COL4A1: variants seen among roughly 807,000 people sequenced by gnomAD.
The protein encoded by COL4A1 is collagen type IV alpha 1 chain, also known as collagen alpha-1(IV) chain.
COL4A1 carries 40 observed loss-of-function variants against 216.6 expected under a neutral mutation model. The ratio of observed to expected loss-of-function variants is 0.18; its 90% confidence interval spans 0.14 to 0.24. The LOEUF is 0.24. Ranked by LOEUF, COL4A1 falls within the 10% of genes least tolerant of loss-of-function variation. The probability of loss-of-function intolerance (pLI) is 1.00; values close to 1 mark genes in which losing one functional copy is unlikely to be tolerated. For missense variants in COL4A1, 1,628 were observed against 2,196.8 expected (o/e 0.74, Z 5.18); for synonymous variants, 839 against 810.7 (o/e 1.03, Z -0.59).
At chr13:110,299,367 A>G (rs1317968023) in intron 1 of COL4A1, among the ~76,000 whole-genome samples, 1 of 152,220 alleles carries the variant, frequency 6.6e-6, no homozygotes, top group East Asian at 1.9e-4. Context: ...CTCATGTTGG[A>G]CAACGGCTGA....
intron 49 of COL4A1, among the ~76,000 whole-genome samples, chr13:110,158,746 T>TTTA (rs1876917742): frequency 6.7e-6 from 1 of 148,736 alleles, no homozygotes; most frequent in African/African-American, 2.5e-5. Context: ...AAACTTTTTT[T>TTTA]TTTTTTTTTT....
At chr13:110,171,364 G>A (rs1877635628) in intron 41 of COL4A1, among the ~76,000 whole-genome samples, 1 of 152,178 alleles carries the variant, frequency 6.6e-6, no homozygotes. Flanking sequence ...TTTGGGGGAA[G>A]GCTTTGCCTG....
At position 110,164,935 on chromosome 13, in the gene COL4A1, G is replaced by A. The variant is rs773065210; in HGVS notation, c.4077C>T (p.Pro1359=). 2.4e-5 allele frequency: 39 copies of A among 1,604,920 alleles called. No individual in the cohort carries two copies. The highest frequency in any genetic ancestry group is 5.3e-5 in the African/African-American group (4 of 74,808). The change falls in exon 46 of 52, where the codon CCC becomes CCT. Residue 1359 remains proline (P), a synonymous_variant. Coordinates refer to ENST00000375820, the MANE Select transcript of COL4A1 (RefSeq NM_001845.6). The part of the protein sequence containing the change: ...PGPYDIIKGE[P]GLPGPEGPPG... ...GGGGGCCCTCAGGACCAGGGAGCCC[G>A]GGCTCCCCTTTGATGATGTCGTAAG...
intron 1 of COL4A1, chr13:110,298,894 G>A (rs1354208430): frequency 6.6e-6 from 1 of 152,484 alleles, no homozygotes; most frequent in Non-Finnish European, 1.5e-5. Context: ...TCCCGAAGAG[G>A]GGAGAAAGCC....
chr13:110,179,459 G>A, intron 29 of COL4A1, 38 bp from the exon 30 acceptor site: 1 of 1,613,830 alleles, frequency 6.2e-7, no homozygotes, highest in Non-Finnish European at 8.5e-7. Flanking sequence ...AAATTGATTT[G>A]CAAAGTCAGT....
chr13:110,182,703 G>A (rs555097220), intron 28 of COL4A1, among the ~76,000 whole-genome samples: 13 of 152,322 alleles, frequency 8.5e-5, no homozygotes, highest in East Asian at 1.9e-4. Flanking sequence ...TCTTCCTCAC[G>A]GATAAAAAGC....
chr13:110,161,181 G>A lies in COL4A1; in HGVS notation c.4640+11C>T. On this transcript the variant is annotated intron_variant, in intron 49 of 51. Transcript: ENST00000375820. ...CAATTTTGCATTTGTTCCTACAGAT[G>A]CTCGACTCACCTACTAATAAATGGT... 1 of 1,613,820 alleles carries A rather than the reference G, an allele frequency of 6.2e-7. No individual in the cohort carries two copies. Among genetic ancestry groups the A allele is most frequent in the Admixed American group, 1.7e-5 (1 of 60,032 alleles).
At chr13:110,159,276 AGT>A (rs1451171420) in intron 49 of COL4A1, among the ~76,000 whole-genome samples, 14 of 148,706 alleles carry the variant, frequency 9.4e-5, no homozygotes, top group Admixed American at 8.7e-4. Flanking sequence ...GGAACTGGGG[AGT>A]GTGTGTATTA....
chr13:110,163,778 C>T (rs534111231), intron 46 of COL4A1, among the ~76,000 whole-genome samples: 6 of 152,208 alleles, frequency 3.9e-5, no homozygotes, highest in African/African-American at 1.2e-4. Context: ...TGTGTTTGGG[C>T]ACCTCGTTCT....
chr13:110,283,042 A>C (rs1883700368), intron 1 of COL4A1, among the ~76,000 whole-genome samples: 1 of 151,484 alleles, frequency 6.6e-6, no homozygotes, highest in Non-Finnish European at 1.5e-5. Context: ...AGTTAGTTTT[A>C]AGCAATTGCA....
chr13:110,280,074 C>T (rs1214496820), intron 1 of COL4A1, among the ~76,000 whole-genome samples: 1 of 152,186 alleles, frequency 6.6e-6, no homozygotes, highest in Non-Finnish European at 1.5e-5. Flanking sequence ...TGGCAATTTT[C>T]TTTTAATTTG....
chr13:110,173,825 T>A, intron 40 of COL4A1, 75 bp downstream of exon 40: 1 of 1,567,194 alleles, frequency 6.4e-7, no homozygotes, highest in Non-Finnish European at 8.8e-7. Context: ...CTTTATTCAC[T>A]GAACACAGGC....
At chr13:110,182,893 G>T in intron 28 of COL4A1, 100 bp downstream of exon 28, 1 of 1,140,334 alleles carries the variant, frequency 8.8e-7, no homozygotes, top group Non-Finnish European at 1.3e-6. Flanking sequence ...TCCCTGAACA[G>T]CGGTCACCAG....
chr13:110,247,834 T>TGTGG (rs1491092763), intron 1 of COL4A1, among the ~76,000 whole-genome samples: 149 of 87,306 alleles, frequency 1.7e-3, no homozygotes, highest in African/African-American at 6.5e-3. Flanking sequence ...TGTGTGTGTG[T>TGTGG]GGCAGAGAGA....
At chr13:110,217,182 C>T (rs1334641039) in intron 2 of COL4A1, among the ~76,000 whole-genome samples, 1 of 152,196 alleles carries the variant, frequency 6.6e-6, no homozygotes, top group Non-Finnish European at 1.5e-5. Flanking sequence ...ACAGAATAAG[C>T]ACTTAAACAG....
intron 21 of COL4A1, among the ~76,000 whole-genome samples, chr13:110,195,903 G>A (rs573227048): frequency 2.0e-5 from 3 of 152,270 alleles, no homozygotes; most frequent in Non-Finnish European, 4.4e-5. Context: ...TTCACCTAAT[G>A]ACAAAGTCAT....
chr13:110,151,761 C>T (rs536693310), intron 51 of COL4A1, among the ~76,000 whole-genome samples: 6 of 152,184 alleles, frequency 3.9e-5, no homozygotes, highest in African/African-American at 7.2e-5. Flanking sequence ...GGGACCGGCC[C>T]GGCTCCCAGT....
In COL4A1 at chr13:110,170,125, G is replaced by A. The variant is rs1877559119; in HGVS notation, c.3743-363C>T. 1.2e-4 allele frequency among the ~76,000 whole-genome samples: 3 copies of A among 25,766 alleles called. No individual in the cohort carries two copies. The South Asian group carries it at 4.6e-3, about 39-fold the overall frequency. 16.9% of individuals were successfully genotyped at this position (25,766 alleles called of 152,430 possible). ...AGGAAGGGAGGAAAGAAGGAAGGAAGGAAGGAAGGAAGGAAGGAAGGAAGG... is the reference window on the plus strand; with the variant it reads ...AGGAAGGGAGGAAAGAAGGAAGGAAAGAAGGAAGGAAGGAAGGAAGGAAGG... On this transcript the variant is annotated intron_variant, in intron 42 of 51. Transcript: ENST00000375820.
chr13:110,166,173 G>A lies in COL4A1; in HGVS notation c.4021+59C>T, dbSNP rs909217608. ...AAACACCCCAATTCTGTGCATTCCTGGCTTTTACATTTTCACAAAGCACCA... is the reference window on the plus strand; with the variant it reads ...AAACACCCCAATTCTGTGCATTCCTAGCTTTTACATTTTCACAAAGCACCA... On this transcript the variant is annotated intron_variant, in intron 45 of 51. Transcript: ENST00000375820. 3 of 1,027,834 alleles carry A rather than the reference G, an allele frequency of 2.9e-6. 1 individual carries two copies. The highest frequency in any genetic ancestry group is 4.7e-5 in the East Asian group (2 of 42,284). The allele number at this position is 1,027,834 out of a possible 1,614,324, so 63.7% of individuals were successfully genotyped here.
Sources: allele counts gnomAD v4.1 joint callset (sites outside exome capture counted in the v4.1 genomes callset), GRCh38; gene constraint gnomAD v4.1.1; transcripts MANE v1.5; gene names NCBI Gene and HGNC (gene_info 2026-07-23, HGNC 2026-07-21).